PGBD5: variants seen among roughly 807,000 people sequenced by gnomAD.
The protein encoded by PGBD5 is piggyBac transposable element derived 5, also known as piggyBac transposable element-derived protein 5.
Under a neutral mutation model 47.9 loss-of-function variants are expected in PGBD5, and 14 were observed. The observed-to-expected ratio is 0.29, with a 90% CI of 0.19 to 0.46. The LOEUF (loss-of-function observed/expected upper bound fraction) is 0.46, where lower values mean the gene tolerates loss of function less well. Ranked by LOEUF, PGBD5 falls within the 20% of genes least tolerant of loss-of-function variation. The pLI is 1.00. For synonymous variants in PGBD5, 316 were observed against 306.3 expected, an observed-to-expected ratio of 1.03 and a Z score of -0.33; for missense variants, 635 against 716.0, an observed-to-expected ratio of 0.89 and a Z score of 1.29.
rs560058383 is a variant in PGBD5 at position 230,389,237 on chromosome 1, G to A, written c.332-31916C>T. Among the ~76,000 whole-genome samples, 733 of 150,968 alleles carry A rather than the reference G, an allele frequency of 4.9e-3. 6 individuals carry two copies. Among genetic ancestry groups the A allele is most frequent in the African/African-American group, 0.017 (699 of 41,030 alleles). The stretch of plus-strand genomic sequence containing the variant: ...CACCCAGGCTGGAGTGCAGTGGCGC[G>A]ACCTTGGCTCATCGCAGCCTCTGCC... On this transcript the variant is annotated intron_variant, in intron 1 of 6. Coordinates refer to ENST00000391860, the MANE Select transcript of PGBD5 (RefSeq NM_001258311.2).
intron 5 of PGBD5, among the ~76,000 whole-genome samples, chr1:230,330,894 T>A (rs551348495): frequency 6.6e-6 from 1 of 152,308 alleles, no homozygotes; most frequent in South Asian, 2.1e-4. Flanking sequence ...TTCAACAGAT[T>A]TAAAAATCAA....
chr1:230,331,394 C>A (rs1256560420), intron 5 of PGBD5, among the ~76,000 whole-genome samples: 1 of 151,950 alleles, frequency 6.6e-6, no homozygotes, highest in Non-Finnish European at 1.5e-5. Flanking sequence ...CCAGCCTGGG[C>A]GACAGAGCAA....
At chr1:230,362,213 C>T in intron 1 of PGBD5, 1 of 1,333,168 alleles carries the variant, frequency 7.5e-7, no homozygotes, top group East Asian at 4.7e-5. Flanking sequence ...GATCTGATGG[C>T]TGTTCCCCAA....
At position 230,425,638 on chromosome 1, in the gene PGBD5, C is replaced by A. The variant is rs1467894938; in HGVS notation, c.291G>T (p.Ala97=). Residue 97 remains alanine, a synonymous_variant, in exon 1 of 7, where the codon GCG becomes GCT. Coordinates refer to ENST00000391860, the MANE Select transcript of PGBD5 (RefSeq NM_001258311.2). This position sits in a 1 kb window ranked among gnomAD's most constrained non-coding sequence, Gnocchi z 4.7. ...AGCGCGGGGGCGGGCGGTCCCGCAGCGCTGCGCTCCAGCCCGCGCCGGCCT... is the reference window on the plus strand; with the variant it reads ...AGCGCGGGGGCGGGCGGTCCCGCAGAGCTGCGCTCCAGCCCGCGCCGGCCT... ...EDEAGAGWSA[A]LRDRPPPRFE... is the part of the protein sequence containing the mutation. 26 of 1,220,590 alleles carry A rather than the reference C, an allele frequency of 2.1e-5. No homozygotes were observed. The highest frequency in any genetic ancestry group is 2.5e-5 in the Non-Finnish European group (25 of 980,904). The allele number at this position is 1,220,590 out of a possible 1,614,324, so 75.6% of individuals were successfully genotyped here.
intron 1 of PGBD5, among the ~76,000 whole-genome samples, chr1:230,383,327 G>A (rs1370718259): frequency 6.6e-6 from 1 of 151,300 alleles, no homozygotes; most frequent in Admixed American, 6.6e-5. Context: ...ACCCACCTCA[G>A]CTTCCCAAAA....
At position 230,323,157 on chromosome 1, in the gene PGBD5, G is replaced by A. The variant is rs545694114; in HGVS notation, c.*268C>T. On this transcript the variant is annotated 3_prime_UTR_variant, in exon 7 of 7. Transcript: ENST00000391860. The surrounding 1 kb of genome is among the most constrained non-coding windows in gnomAD (Gnocchi z 4.1). ...CTCGCAAGCTCCACGGATGTCATGA[G>A]AGAATCTGCCCTTGAGAACGTGGGT... 6.1e-5 allele frequency: 28 copies of A among 459,050 alleles called. No individual in the cohort carries two copies. In the East Asian group the frequency reaches 1.1e-3, roughly 17 times the overall value. The allele number at this position is 459,050 out of a possible 1,614,324, so 28.4% of individuals were successfully genotyped here.
Position 230,357,430 on chromosome 1 carries a change from C to A in PGBD5, c.332-109G>T, listed in dbSNP as rs1399469438. On this transcript the variant is annotated intron_variant, in intron 1 of 6. Transcript: ENST00000391860. This position sits in a 1 kb window ranked among gnomAD's most constrained non-coding sequence, Gnocchi z 5.7. Reference sequence around the variant, plus strand: ...CTGGGTCCCTGGCCGAGTGCCCCCGCTGCCTCCAGTGCTACCGCCTTCCCC... The same window carrying A: ...CTGGGTCCCTGGCCGAGTGCCCCCGATGCCTCCAGTGCTACCGCCTTCCCC... 1.6e-6 allele frequency: 2 copies of A among 1,213,196 alleles called. No individual in the cohort carries two copies. Among genetic ancestry groups the A allele is most frequent in the African/African-American group, 3.0e-5 (2 of 65,826 alleles). 75.2% of individuals were successfully genotyped at this position (1,213,196 alleles called of 1,614,324 possible). A position where few individuals can be genotyped will look rare whatever the true frequency, so the allele number is the denominator to read the frequency against.
Position 230,345,915 on chromosome 1 carries a change from T to C in PGBD5, c.894+5043A>G, listed in dbSNP as rs572522258. Among the ~76,000 whole-genome samples the C allele has an allele frequency of 3.3e-5, 5 of 152,260 alleles. No individual in the cohort carries two copies. The East Asian group carries it at 5.8e-4, about 18-fold the overall frequency. On this transcript the variant is annotated intron_variant, in intron 3 of 6. Transcript: ENST00000391860. ...AAATGCATTTTTTTTAGAGGCAGGGTCTCACTATGTTGTACAGGCTGGTCT... is the reference window on the plus strand; with the variant it reads ...AAATGCATTTTTTTTAGAGGCAGGGCCTCACTATGTTGTACAGGCTGGTCT...
rs779858517 is a variant in PGBD5, at chr1:230,362,406, C to G, written c.332-5085G>C. 8.9e-6 allele frequency: 12 copies of G among 1,348,004 alleles called. No homozygotes were observed. The South Asian group carries it at 1.4e-4, about 16-fold the overall frequency. The allele number at this position is 1,348,004 out of a possible 1,614,324, so 83.5% of individuals were successfully genotyped here. ...GATGACAGACAGTTGTGGAGGCTTG[C>G]CGGGGAAGCCTGTGTCAGACCTGGA... On this transcript the variant is annotated intron_variant, in intron 1 of 6. Transcript: ENST00000391860.
intron 1 of PGBD5, among the ~76,000 whole-genome samples, chr1:230,411,079 C>A (rs1483251625): frequency 3.3e-5 from 5 of 151,902 alleles, no homozygotes; most frequent in Admixed American, 2.6e-4. Flanking sequence ...GAGCTCAAGA[C>A]CAGCCTAGGC....
At chr1:230,362,856 T>C (rs2820383) in intron 1 of PGBD5, among the ~76,000 whole-genome samples, 105,607 of 151,904 alleles carry the variant, frequency 0.7, 37,185 homozygotes, top group Non-Finnish European at 0.74. Flanking sequence ...CAACAGTCCC[T>C]GTGCTAATGC....
At chr1:230,399,586 A>T (rs911427917) in intron 1 of PGBD5, among the ~76,000 whole-genome samples, 2 of 152,186 alleles carry the variant, frequency 1.3e-5, no homozygotes, top group African/African-American at 4.8e-5. Flanking sequence ...GACCACGTAG[A>T]GCCAGCCTTC....
intron 5 of PGBD5, 124 bp from the exon 6 acceptor site, chr1:230,325,539 G>A: frequency 1.4e-6 from 1 of 690,326 alleles, no homozygotes; most frequent in South Asian, 1.8e-5. Context: ...GAGGAGGAGG[G>A]GAGGGAAGAG....
At chr1:230,419,931 G>A (rs1657612574) in intron 1 of PGBD5, among the ~76,000 whole-genome samples, 1 of 152,136 alleles carries the variant, frequency 6.6e-6, no homozygotes, top group South Asian at 2.1e-4. Flanking sequence ...TTCAAGACCA[G>A]CCTGGACAAC....
chr1:230,393,060 T>G (rs1376517499), intron 1 of PGBD5, among the ~76,000 whole-genome samples: 70 of 111,168 alleles, frequency 6.3e-4, no homozygotes, highest in East Asian at 7.8e-4. Flanking sequence ...AGGAGAGGGA[T>G]AGGAAGGGGA....
rs565779328 is a variant in PGBD5 at position 230,394,220 on chromosome 1, A to T, written c.331+31378T>A. 6.4e-4 allele frequency among the ~76,000 whole-genome samples: 97 copies of T among 152,004 alleles called. 1 individual carries two copies. The highest frequency in any genetic ancestry group is 2.1e-3 in the Admixed American group (32 of 15,272). ...TCAGGCCTGAGGACCAGGGCAAAGC[A>T]TGCTAGATAAACGTGCCCAGTACCC... On this transcript the variant is annotated intron_variant, in intron 1 of 6. Transcript: ENST00000391860.
At chr1:230,380,234 T>C (rs376735837) in intron 1 of PGBD5, among the ~76,000 whole-genome samples, 28 of 152,356 alleles carry the variant, frequency 1.8e-4, no homozygotes, top group Middle Eastern at 3.4e-3. Context: ...AATCACAGGA[T>C]AGAAAACAAA....
chr1:230,401,060 C>T (rs57425024), intron 1 of PGBD5, among the ~76,000 whole-genome samples: 2,893 of 152,340 alleles, frequency 0.019, 91 homozygotes, highest in African/African-American at 0.066. Flanking sequence ...CTGTCCTTGT[C>T]CCCTTCCTCA....
rs368304243 is a variant in PGBD5 at position 230,370,045 on chromosome 1, G to A, written c.332-12724C>T. Among the ~76,000 whole-genome samples the A allele has an allele frequency of 1.8e-4, 28 of 152,346 alleles. No homozygotes were observed. The East Asian group carries it at 2.7e-3, about 15-fold the overall frequency. On this transcript the variant is annotated intron_variant, in intron 1 of 6. Coordinates refer to ENST00000391860, the MANE Select transcript of PGBD5 (RefSeq NM_001258311.2). The stretch of plus-strand genomic sequence containing the variant: ...GGGCTCAGCTTCCTCATCTCACAAG[G>A]AGAGTTACGTTGATGACAGAGACGG...
Sources: gnomAD v4.1 joint callset for allele counts (sites outside exome capture counted in the v4.1 genomes callset) on GRCh38, gnomAD v4.1.1 for gene constraint, Gnocchi (gnomAD v3.1) non-coding constraint, MANE v1.5 for transcripts, NCBI Gene and HGNC (gene_info 2026-07-23, HGNC 2026-07-21) for gene names.